DYNAP: variants seen among roughly 807,000 people sequenced by gnomAD.
DYNAP encodes dynactin-associated protein.
Under a neutral mutation model 8.5 loss-of-function variants are expected in DYNAP, and 7 were observed. The ratio of observed to expected loss-of-function variants is 0.82; its 90% CI spans 0.47 to 1.54. The LOEUF (loss-of-function observed/expected upper bound fraction) is 1.54. Ranked by LOEUF, DYNAP falls within the 40% of genes most tolerant of loss-of-function variation. The pLI, the probability that DYNAP is intolerant of heterozygous loss-of-function variation, is 0.01. For synonymous variants in DYNAP, 77 were observed against 77.9 expected, an observed-to-expected ratio of 0.99 and a Z score of 0.06; for missense variants, 256 against 224.3, an observed-to-expected ratio of 1.14 and a Z score of -0.90.
upstream of DYNAP, among the ~76,000 whole-genome samples, chr18:54,589,466 ATT>A (rs1910989927): frequency 1.3e-5 from 2 of 152,338 alleles, no homozygotes; most frequent in African/African-American, 4.8e-5. Flanking sequence ...GTGAAGAAAT[ATT>A]CTTTGCAAAA....
At chr18:54,580,294 C>T in the DYNAP span, among the ~76,000 whole-genome samples, 3 of 152,138 alleles carry the variant, frequency 2.0e-5, no homozygotes, top group Non-Finnish European at 4.4e-5. Context: ...GTTTTTTCAC[C>T]ACTGAAAGAC....
At chr18:54,580,646 G>A in the DYNAP span, among the ~76,000 whole-genome samples, 1 of 152,314 alleles carries the variant, frequency 6.6e-6, no homozygotes, top group African/African-American at 2.4e-5. Context: ...CTTTGATTAA[G>A]TTATCTTTGA....
chr18:54,591,475 C>T (rs1911073954), intron 1 of DYNAP, 136 bp downstream of exon 1: 3 of 997,000 alleles, frequency 3.0e-6, no homozygotes, highest in Non-Finnish European at 4.2e-6. Flanking sequence ...AAAGAGCAAC[C>T]CTGTATCAAT....
Position 54,598,156 on chromosome 18 carries a change from C to T in DYNAP, c.*11C>T, listed in dbSNP as rs752537435. On this transcript the variant is annotated 3_prime_UTR_variant, in exon 3 of 3. Transcript: ENST00000648945. ...ACCGATCATTTATAATTTGAACAGCCATAGCCATCACTTCAACTGAAACTT... is the reference window on the plus strand; with the variant it reads ...ACCGATCATTTATAATTTGAACAGCTATAGCCATCACTTCAACTGAAACTT... The T allele has an allele frequency of 1.1e-5, 17 of 1,590,478 alleles. No individual in the cohort carries two copies. The highest frequency in any genetic ancestry group is 8.5e-5 in the Admixed American group (5 of 58,768).
Position 54,591,249 on chromosome 18 carries a change from T to C in DYNAP, c.-34T>C, listed in dbSNP as rs1343690929. 6.2e-7 allele frequency: 1 copy of C among 1,612,674 alleles called. No homozygotes were observed. The highest frequency in any genetic ancestry group is 1.3e-5 in the African/African-American group (1 of 74,852). Reference sequence around the variant, plus strand: ...GCAATGAACAAATTGAAAAATATTCTTGGAGAGAAGCTTGTGATACTGGCA... The same window carrying C: ...GCAATGAACAAATTGAAAAATATTCCTGGAGAGAAGCTTGTGATACTGGCA... On this transcript the variant is annotated 5_prime_UTR_variant, in exon 1 of 3. Transcript: ENST00000648945.
the DYNAP span, among the ~76,000 whole-genome samples, chr18:54,581,559 A>T: frequency 3.9e-5 from 6 of 152,366 alleles, 1 homozygote; most frequent in South Asian, 1.2e-3. Context: ...CAACGAAAGC[A>T]TTCTGACATG....
At chr18:54,583,649 CAAATA>C (rs930082499), upstream of DYNAP, among the ~76,000 whole-genome samples, 2 of 152,104 alleles carry the variant, frequency 1.3e-5, no homozygotes, top group African/African-American at 4.8e-5. Flanking sequence ...TCAATAATAA[CAAATA>C]AAATAACAAT....
chr18:54,587,470 T>A (rs913824235), upstream of DYNAP, among the ~76,000 whole-genome samples: 7 of 152,200 alleles, frequency 4.6e-5, no homozygotes, highest in Non-Finnish European at 7.3e-5. Flanking sequence ...CAAATTTTTT[T>A]AAATTTTATG....
At position 54,597,830 on chromosome 18, in the gene DYNAP, C is replaced by G; in HGVS notation, c.240C>G (p.Arg80=). 6.2e-7 allele frequency: 1 copy of G among 1,607,110 alleles called. No individual in the cohort carries two copies. Among genetic ancestry groups the G allele is most frequent in the Non-Finnish European group, 8.5e-7 (1 of 1,174,732 alleles). Residue 80 remains arginine, a synonymous_variant, in exon 3 of 3, where the codon CGC becomes CGG. Coordinates refer to ENST00000648945, the MANE Select transcript of DYNAP (RefSeq NM_173629.3). ...ATGCTTAGGTAAAAGAATATTGCCG[C>G]AATGACTGGTCTATGTGGAAAGTCT... The part of the protein sequence containing the change: ...SCNTQVKEYC[R]NDWSMWKVFL...
the DYNAP span, among the ~76,000 whole-genome samples, chr18:54,579,938 T>A: frequency 3.3e-5 from 5 of 152,234 alleles, no homozygotes; most frequent in Non-Finnish European, 7.3e-5. Flanking sequence ...CTAAAAATTT[T>A]ACTTCCATCT....
At chr18:54,587,476 T>C (rs1352249897), upstream of DYNAP, among the ~76,000 whole-genome samples, 2 of 152,184 alleles carry the variant, frequency 1.3e-5, no homozygotes, top group African/African-American at 4.8e-5. Context: ...TTTTTAAATT[T>C]TATGAAATAT....
upstream of DYNAP, among the ~76,000 whole-genome samples, chr18:54,583,074 T>C (rs1910771821): frequency 6.6e-6 from 1 of 152,058 alleles, no homozygotes. Context: ...TTGGAATCAC[T>C]CTTTTTTTTC....
the DYNAP span, among the ~76,000 whole-genome samples, chr18:54,580,980 T>C: frequency 1.2e-4 from 18 of 152,228 alleles, no homozygotes. Flanking sequence ...AAGGAAATCT[T>C]TATTAACATG....
intron 2 of DYNAP, 131 bp downstream of exon 2, chr18:54,595,234 A>T (rs1474672194): frequency 1.9e-6 from 2 of 1,057,592 alleles, no homozygotes; most frequent in African/African-American, 3.3e-5. Flanking sequence ...CATTTGCTGT[A>T]TTCTCAGTAT....
rs1911441959 is a variant in DYNAP at position 54,599,378 on chromosome 18, A to G, written c.*1233A>G. ...TTAACTTTTAGTTATCACCAGTAAT[A>G]CTAGCCTACAACTACTCGCCACACT... On this transcript the variant is annotated 3_prime_UTR_variant, in exon 3 of 3. Transcript: ENST00000648945. 6.6e-6 allele frequency: 1 copy of G among 152,128 alleles called. No homozygotes were observed. Among genetic ancestry groups the G allele is most frequent in the Non-Finnish European group, 1.5e-5 (1 of 67,986 alleles). The allele number at this position is 152,128 out of a possible 1,614,324, so 9.4% of individuals were successfully genotyped here. A position where few individuals can be genotyped will look rare whatever the true frequency, so the allele number is the denominator to read the frequency against.
At chr18:54,579,543 T>C in the DYNAP span, among the ~76,000 whole-genome samples, 1 of 152,230 alleles carries the variant, frequency 6.6e-6, no homozygotes, top group African/African-American at 2.4e-5. Context: ...TGTGGATATG[T>C]AGTTTGAAAT....
chr18:54,581,582 G>C, the DYNAP span, among the ~76,000 whole-genome samples: 1 of 152,238 alleles, frequency 6.6e-6, no homozygotes, highest in East Asian at 1.9e-4. Context: ...ATATCTTACT[G>C]GTGGGTTTGG....
At chr18:54,591,073 C>G (rs879121541), upstream of DYNAP, 5 of 865,472 alleles carry the variant, frequency 5.8e-6, no homozygotes, top group African/African-American at 3.5e-5. Flanking sequence ...GGTTTTCTTG[C>G]GTCTTTCTGC....
At chr18:54,589,376 CA>C (rs1910986402), upstream of DYNAP, among the ~76,000 whole-genome samples, 1 of 152,084 alleles carries the variant, frequency 6.6e-6, no homozygotes, top group Non-Finnish European at 1.5e-5. Flanking sequence ...TGCTGTCTGT[CA>C]TGCTAACAAT....
Sources: allele counts gnomAD v4.1 joint callset (sites outside exome capture counted in the v4.1 genomes callset), GRCh38; gene constraint gnomAD v4.1.1; transcripts MANE v1.5; gene names NCBI Gene and HGNC (gene_info 2026-07-23, HGNC 2026-07-21).